The following P4HA1 variants were observed in gnomAD, a reference collection of about 807,000 sequenced individuals.
P4HA1 encodes the protein prolyl 4-hydroxylase subunit alpha 1, also known as prolyl 4-hydroxylase subunit alpha-1.
Under a neutral mutation model 72.8 loss-of-function variants are expected in P4HA1, and 24 were observed. The observed-to-expected ratio is 0.33, with a 90% CI of 0.24 to 0.46. The LOEUF (loss-of-function observed/expected upper bound fraction) is 0.46. Among genes scored for constraint, P4HA1 ranks in the 20% least tolerant of loss-of-function variants. P4HA1 has a pLI of 1.00. For synonymous variants in P4HA1, 201 were observed against 218.8 expected (o/e 0.92, Z 0.72); for missense variants, 446 against 640.6 (o/e 0.70, Z 3.28).
intron 9 of P4HA1, among the ~76,000 whole-genome samples, chr10:73,034,246 T>G (rs1419699929): frequency 6.6e-6 from 1 of 152,180 alleles, no homozygotes; most frequent in Non-Finnish European, 1.5e-5. Context: ...AAAATACATG[T>G]AACATAAAAT....
intron 1 of P4HA1, among the ~76,000 whole-genome samples, chr10:73,096,269 T>C (rs921571259): frequency 2.0e-5 from 3 of 152,142 alleles, no homozygotes; most frequent in African/African-American, 7.2e-5. Context: ...AGGGCAAAAA[T>C]GCCTGGCGCG....
chr10:73,074,436 G>T (rs1259517586), intron 2 of P4HA1, among the ~76,000 whole-genome samples: 1 of 151,852 alleles, frequency 6.6e-6, no homozygotes, highest in Non-Finnish European at 1.5e-5. Flanking sequence ...TGGTCAACAT[G>T]GTGAGACCCT....
At chr10:73,045,711 A>C (rs1052576458) in intron 8 of P4HA1, among the ~76,000 whole-genome samples, 2 of 152,058 alleles carry the variant, frequency 1.3e-5, no homozygotes, top group Admixed American at 1.3e-4. Context: ...AGAGCATGAA[A>C]TTTTATTGCC....
At chr10:73,089,614 CATAAA>C (rs1333269983) in intron 1 of P4HA1, among the ~76,000 whole-genome samples, 2 of 147,656 alleles carry the variant, frequency 1.4e-5, no homozygotes, top group Admixed American at 6.8e-5. Context: ...ATGGTATATT[CATAAA>C]ATAAAATACT....
chr10:73,028,336 ACACACACAC>A (rs1201075308), intron 10 of P4HA1, among the ~76,000 whole-genome samples: 128 of 151,112 alleles, frequency 8.5e-4, no homozygotes, highest in Middle Eastern at 3.4e-3. Flanking sequence ...ACACACACAC[ACACACACAC>A]AAAATACATT....
intron 9 of P4HA1, chr10:73,043,794 T>C: frequency 1.1e-6 from 1 of 915,894 alleles, no homozygotes; most frequent in Non-Finnish European, 1.8e-6. Context: ...ACCACCTAGG[T>C]CTTAGAAACT....
At chr10:73,027,767 A>AGGAAGGAAGGAAGCAAGCAAACAT (rs1176233566) in intron 10 of P4HA1, among the ~76,000 whole-genome samples, 3 of 143,940 alleles carry the variant, frequency 2.1e-5, no homozygotes, top group African/African-American at 7.7e-5. Flanking sequence ...AAGGGAAGGA[A>AGGAAGGAAGGAAGCAAGCAAACAT]GGAAGGAAGG....
intron 3 of P4HA1, 72 bp from the exon 4 acceptor site, chr10:73,072,252 GA>G (rs1231725892): frequency 3.3e-5 from 41 of 1,246,126 alleles, no homozygotes; most frequent in South Asian, 4.4e-5. Flanking sequence ...GAAACGCTCA[GA>G]AAAAAAATGA....
chr10:73,050,357 T>C lies in P4HA1; in HGVS notation c.900+696A>G, dbSNP rs562964270. ...AGCTATTTTACTAATAATTGGAACA[T>C]ATTAAATGTGGCACCCACAGAGAGA... is the stretch of plus-strand genomic sequence containing the variant. On this transcript the variant is annotated intron_variant, in intron 7 of 14. Transcript: ENST00000394890. 1.5e-4 allele frequency among the ~76,000 whole-genome samples: 23 copies of C among 152,212 alleles called. No individual in the cohort carries two copies. In the South Asian group the frequency reaches 4.8e-3, roughly 32 times the overall value.
intron 1 of P4HA1, among the ~76,000 whole-genome samples, chr10:73,079,723 C>T (rs554805896): frequency 1.3e-5 from 2 of 152,036 alleles, no homozygotes; most frequent in Non-Finnish European, 2.9e-5. Context: ...GCCTGGGAGA[C>T]AAGAGTGAGA....
chr10:73,027,860 G>C (rs1456740553), intron 10 of P4HA1, among the ~76,000 whole-genome samples: 3 of 138,868 alleles, frequency 2.2e-5, no homozygotes, highest in Non-Finnish European at 3.2e-5. Context: ...GAGGAGGGGA[G>C]GGAGGGAGAG....
intron 1 of P4HA1, among the ~76,000 whole-genome samples, chr10:73,083,940 A>G (rs564397316): frequency 2.5e-3 from 380 of 152,372 alleles, no homozygotes; most frequent in African/African-American, 8.7e-3. Context: ...AAACATTTTT[A>G]ATTTAAAAAA....
chr10:73,082,489 C>CT (rs1841846640), intron 1 of P4HA1: 2 of 151,598 alleles, frequency 1.3e-5, no homozygotes. Context: ...TTGATATTCT[C>CT]TTTTTTTAAG....
intron 3 of P4HA1, 124 bp from the exon 4 acceptor site, chr10:73,072,304 T>C (rs1841582468): frequency 2.8e-6 from 2 of 711,308 alleles, no homozygotes; most frequent in African/African-American, 1.8e-5. Flanking sequence ...AGTTTCTTTT[T>C]AAAGTAAAAG....
chr10:73,015,980 A>C (rs1840000802), intron 11 of P4HA1, among the ~76,000 whole-genome samples: 2 of 152,150 alleles, frequency 1.3e-5, no homozygotes, highest in Non-Finnish European at 2.9e-5. Flanking sequence ...AAATAACAGA[A>C]TTAACATGTT....
At chr10:73,053,105 A>G (rs1589605457) in intron 6 of P4HA1, among the ~76,000 whole-genome samples, 1 of 152,198 alleles carries the variant, frequency 6.6e-6, no homozygotes, top group African/African-American at 2.4e-5. Flanking sequence ...CGTTAGCTTC[A>G]ATTTTGAAAT....
chr10:73,046,830 G>C lies in P4HA1; in HGVS notation c.1077+95C>G, dbSNP rs571114912. The C allele has an allele frequency of 4.8e-5, 43 of 893,788 alleles. No homozygotes were observed. In the African/African-American group the frequency reaches 7.2e-4, roughly 15 times the overall value. The allele number at this position is 893,788 out of a possible 1,614,324, so 55.4% of individuals were successfully genotyped here. A position where few individuals can be genotyped will look rare whatever the true frequency, so the allele number is the denominator to read the frequency against. The stretch of plus-strand genomic sequence containing the variant: ...GCAAAATATCTTTAAAAAATCTGTG[G>C]CATTATTCGTATATCAATTATCCTA... On this transcript the variant is annotated intron_variant, in intron 8 of 14. Coordinates refer to ENST00000394890, the MANE Select transcript of P4HA1 (RefSeq NM_001017962.3).
chr10:73,039,678 C>G (rs1472245644), intron 9 of P4HA1, among the ~76,000 whole-genome samples: 3 of 152,110 alleles, frequency 2.0e-5, no homozygotes, highest in African/African-American at 7.2e-5. Context: ...TGCTGAAATG[C>G]TGGAACAAAT....
rs76630185 is a variant in P4HA1 at position 73,008,988 on chromosome 10, C to A, written c.1535-696G>T. On this transcript the variant is annotated intron_variant, in intron 14 of 14. Transcript: ENST00000394890. The stretch of plus-strand genomic sequence containing the variant: ...CTCTCAAATCTATTTGCTCTCCAAC[C>A]CTTTCACTGATGCTTTAATCCAGGC... Among the ~76,000 whole-genome samples the A allele has an allele frequency of 5.5e-4, 84 of 152,254 alleles. No individual in the cohort carries two copies. The East Asian group carries it at 0.014, about 25-fold the overall frequency.
Sources: allele counts gnomAD v4.1 joint callset (sites outside exome capture counted in the v4.1 genomes callset), GRCh38; gene constraint gnomAD v4.1.1; transcripts MANE v1.5; gene names NCBI Gene and HGNC (gene_info 2026-07-23, HGNC 2026-07-21).